The following ELF1 variants were observed in gnomAD, a reference collection of about 807,000 sequenced individuals.
ELF1 encodes the protein E74 like ETS transcription factor 1.
A neutral mutation model predicts 59.9 loss-of-function variants in ELF1; 24 were observed. The ratio of observed to expected loss-of-function variants is 0.40; its 90% CI spans 0.29 to 0.56. The LOEUF (loss-of-function observed/expected upper bound fraction) is 0.56, where lower values mean the gene tolerates loss of function less well. Ranked by LOEUF, ELF1 falls within the 20% of genes least tolerant of loss-of-function variation. ELF1 has a pLI of 0.44. For synonymous variants in ELF1, 248 were observed against 266.2 expected, an observed-to-expected ratio of 0.93 and a Z score of 0.67; for missense variants, 627 against 742.2, an observed-to-expected ratio of 0.84 and a Z score of 1.80.
rs118035451 is a variant in ELF1 at position 41,025,527 on chromosome 13, G to A, written c.-229+35311C>T. Among the ~76,000 whole-genome samples the A allele has an allele frequency of 2.7e-3, 413 of 152,344 alleles. 6 individuals are homozygous for A. The East Asian group carries it at 0.048, about 18-fold the overall frequency. ...ACATTTAAGTCTTCACTGTAGGACA[G>A]CTTAAAACACGAATCCAATCCAGTC... On this transcript the variant is annotated intron_variant, in intron 1 of 1. Transcript: ENST00000405737.
At chr13:40,958,170 A>G (rs1871572734) in intron 3 of ELF1, among the ~76,000 whole-genome samples, 1 of 152,268 alleles carries the variant, frequency 6.6e-6, no homozygotes, top group South Asian at 2.1e-4. Flanking sequence ...TGATGAAAGT[A>G]TTATTACTAC....
intron 1 of ELF1, among the ~76,000 whole-genome samples, chr13:41,024,407 G>C (rs1010970913): frequency 6.6e-6 from 1 of 152,032 alleles, no homozygotes; most frequent in Admixed American, 6.6e-5. Flanking sequence ...TCAGCGTAAA[G>C]CAATTTCTGC....
chr13:41,033,911 G>T (rs1876271050), intron 1 of ELF1, among the ~76,000 whole-genome samples: 1 of 152,152 alleles, frequency 6.6e-6, no homozygotes, highest in South Asian at 2.1e-4. Context: ...TTTGGGGAGG[G>T]TGTGACTATT....
At chr13:41,014,907 C>G (rs188922136) in intron 1 of ELF1, among the ~76,000 whole-genome samples, 11 of 152,038 alleles carry the variant, frequency 7.2e-5, no homozygotes, top group Admixed American at 7.2e-4. Flanking sequence ...AAAATCATAT[C>G]CAAGCATTAC....
In ELF1 at chr13:40,939,561, T is replaced by A. The variant is rs538605245; in HGVS notation, c.1256+1360A>T. Among the ~76,000 whole-genome samples, 7 of 152,206 alleles carry A rather than the reference T, an allele frequency of 4.6e-5. No homozygotes were observed. The East Asian group carries it at 1.4e-3, about 29-fold the overall frequency. ...ACACTCCCAACCAGACACCCAGTCA[T>A]CACCTGTAACCCACAGGGCCTAGGG... On this transcript the variant is annotated intron_variant, in intron 8 of 8. Coordinates refer to ENST00000239882, the MANE Select transcript of ELF1 (RefSeq NM_172373.4).
intron 3 of ELF1, among the ~76,000 whole-genome samples, chr13:40,953,478 C>A (rs1177097847): frequency 2.0e-5 from 3 of 152,106 alleles, no homozygotes; most frequent in African/African-American, 7.2e-5. Context: ...AAACATAAGA[C>A]CATGTGAAGA....
At chr13:40,963,320 G>A (rs1434010682) in intron 2 of ELF1, among the ~76,000 whole-genome samples, 1 of 152,248 alleles carries the variant, frequency 6.6e-6, no homozygotes, top group Non-Finnish European at 1.5e-5. Context: ...GTTTGAGGTG[G>A]AGGTATGAGT....
chr13:41,022,099 A>G (rs1374905158), upstream of ELF1, among the ~76,000 whole-genome samples: 1 of 152,248 alleles, frequency 6.6e-6, no homozygotes, highest in African/African-American at 2.4e-5. Flanking sequence ...TAAAACTTCT[A>G]TGCAAATATA....
At chr13:41,031,698 TA>T (rs1054640194) in intron 1 of ELF1, among the ~76,000 whole-genome samples, 3 of 150,998 alleles carry the variant, frequency 2.0e-5, no homozygotes, top group Non-Finnish European at 4.4e-5. Flanking sequence ...TGGGCGCCTG[TA>T]ATCCCATCTA....
intron 2 of ELF1, among the ~76,000 whole-genome samples, chr13:40,965,732 A>G (rs963307747): frequency 6.6e-6 from 1 of 152,240 alleles, no homozygotes; most frequent in African/African-American, 2.4e-5. Flanking sequence ...CAAACCTTCC[A>G]AACACTTCTA....
chr13:41,021,772 C>A (rs1256017599), upstream of ELF1, among the ~76,000 whole-genome samples: 1 of 152,162 alleles, frequency 6.6e-6, no homozygotes, highest in Non-Finnish European at 1.5e-5. Flanking sequence ...ATGGTCAAAT[C>A]TGAATAGACA....
chr13:40,934,165 G>T, intron 8 of ELF1, 137 bp from the exon 9 acceptor site: 2 of 1,164,720 alleles, frequency 1.7e-6, no homozygotes, highest in Non-Finnish European at 1.2e-6. Context: ...AACAGAGCAT[G>T]ACCAATATCA....
intron 5 of ELF1, among the ~76,000 whole-genome samples, chr13:40,949,403 G>A (rs1870707107): frequency 6.6e-6 from 1 of 151,928 alleles, no homozygotes; most frequent in African/African-American, 2.4e-5. Flanking sequence ...TGTTGCCCAG[G>A]CTGGAGTGCA....
rs138457205 is a variant in ELF1, at chr13:41,038,950, T to C, written c.-229+21888A>G. Among the ~76,000 whole-genome samples the C allele has an allele frequency of 5.3e-3, 776 of 147,304 alleles. 7 individuals carry two copies. Among genetic ancestry groups the C allele is most frequent in the African/African-American group, 0.019 (734 of 39,646 alleles). ...ATCGCCTGAACCTAGGAGGTGGAGG[T>C]TGCAGTGAACCCAGATTGCACCACT... On this transcript the variant is annotated intron_variant, in intron 1 of 1. Transcript: ENST00000405737.
At chr13:41,027,004 G>C (rs986252200) in intron 1 of ELF1, among the ~76,000 whole-genome samples, 8 of 152,170 alleles carry the variant, frequency 5.3e-5, no homozygotes, top group Admixed American at 2.6e-4. Flanking sequence ...CAGTGCTACA[G>C]CCCTTTTTCT....
chr13:41,060,905 A>AACT, exon 1 of ELF1: 1 of 320,242 alleles, frequency 3.1e-6, no homozygotes, highest in South Asian at 2.1e-5. Flanking sequence ...GCGCTACTGA[A>AACT]GCTGCTGCTG....
At chr13:41,053,562 C>A (rs964817651) in intron 1 of ELF1, among the ~76,000 whole-genome samples, 2 of 152,140 alleles carry the variant, frequency 1.3e-5, no homozygotes, top group Non-Finnish European at 2.9e-5. Flanking sequence ...CTTCAACCCA[C>A]TTCTGCTTTA....
chr13:40,998,807 G>C (rs958584397), intron 1 of ELF1, among the ~76,000 whole-genome samples: 27 of 152,024 alleles, frequency 1.8e-4, no homozygotes, highest in African/African-American at 5.6e-4. Context: ...CTGTTTTATG[G>C]AGGCCAAGGC....
At chr13:41,022,940 A>G (rs1255402685), upstream of ELF1, among the ~76,000 whole-genome samples, 1 of 152,208 alleles carries the variant, frequency 6.6e-6, no homozygotes, top group African/African-American at 2.4e-5. Context: ...ACAGAAAGAA[A>G]GAAAGGAAGG....
Sources: gnomAD v4.1 joint callset for allele counts (sites outside exome capture counted in the v4.1 genomes callset) on GRCh38, gnomAD v4.1.1 for gene constraint, MANE v1.5 for transcripts, NCBI Gene and HGNC (gene_info 2026-07-23, HGNC 2026-07-21) for gene names.